The following FRMPD4 variants were observed in gnomAD, a reference collection of about 807,000 sequenced individuals.
The protein encoded by FRMPD4 is FERM and PDZ domain containing 4.
Under a neutral mutation model 94.1 loss-of-function variants are expected in FRMPD4, and 22 were observed. The observed-to-expected ratio is 0.23, with a 90% confidence interval of 0.17 to 0.33. The LOEUF (loss-of-function observed/expected upper bound fraction) is 0.33, where lower values mean the gene tolerates loss of function less well. Ranked by LOEUF, FRMPD4 falls within the 10% of genes least tolerant of loss-of-function variation. The pLI, the probability that FRMPD4 is intolerant of heterozygous loss-of-function variation, is 1.00. For synonymous variants in FRMPD4, 631 were observed against 548.6 expected, an observed-to-expected ratio of 1.15 and a Z score of -2.10; for missense variants, 1,111 against 1,339.9, an observed-to-expected ratio of 0.83 and a Z score of 2.67.
At chrX:12,022,206 G>T (rs1340551181) in intron 3 of FRMPD4, among the ~76,000 whole-genome samples, 1 of 112,216 alleles carries the variant, frequency 8.9e-6, no homozygotes, top group East Asian at 2.8e-4. Context: ...TACATATAAA[G>T]CACTTTAGAA....
intron 3 of FRMPD4, among the ~76,000 whole-genome samples, chrX:12,083,277 G>A (rs2055077050): frequency 8.8e-6 from 1 of 113,200 alleles, no homozygotes; most frequent in African/African-American, 3.2e-5. Flanking sequence ...CTAATGTAGA[G>A]CTTGGGATGT....
rs752588998 is a variant in FRMPD4 at position 12,165,703 on chromosome X, C to G, written c.41+26691C>G. Among the ~76,000 whole-genome samples, 158 of 111,237 alleles carry G rather than the reference C, an allele frequency of 1.4e-3. 1 individual carries two copies. The highest frequency in any genetic ancestry group is 4.9e-3 in the African/African-American group (150 of 30,610). On this transcript the variant is annotated intron_variant, in intron 1 of 16. Coordinates refer to ENST00000675598, the MANE Select transcript of FRMPD4 (RefSeq NM_001368397.1). ...ATGAGCATGGAATGTTCTTCCATTT[C>G]TTTGTATCCTCTTTTATTTCCTTGA...
At chrX:12,553,434 CTATATATATATATA>C (rs3066486) in intron 2 of FRMPD4, among the ~76,000 whole-genome samples, 1,861 of 39,650 alleles carry the variant, frequency 0.047, 74 homozygotes, top group Middle Eastern at 0.095. Flanking sequence ...ATCCATATGC[CTATATATATATATA>C]TATATATATA....
At chrX:12,242,638 CAACA>C (rs761238965) in intron 1 of FRMPD4, among the ~76,000 whole-genome samples, 1 of 112,675 alleles carries the variant, frequency 8.9e-6, no homozygotes, top group South Asian at 3.7e-4. Flanking sequence ...TCCTCTACTG[CAACA>C]AACACACTAC....
chrX:12,673,265 C>T (rs1315573653), intron 4 of FRMPD4, among the ~76,000 whole-genome samples: 3 of 112,154 alleles, frequency 2.7e-5, no homozygotes, highest in Non-Finnish European at 1.9e-5. Context: ...ATCTGATAAA[C>T]GTTTCTTGTT....
chrX:11,977,433 A>G (rs1330410081), intron 3 of FRMPD4, among the ~76,000 whole-genome samples: 3 of 112,487 alleles, frequency 2.7e-5, no homozygotes, highest in Non-Finnish European at 5.6e-5. Context: ...ATCCGTTTTT[A>G]AAAGGGTAGG....
Position 12,401,989 on chromosome X carries a change from G to A in FRMPD4, c.42-96691G>A, listed in dbSNP as rs765373983. Among the ~76,000 whole-genome samples the A allele has an allele frequency of 7.2e-5, 8 of 111,184 alleles. No homozygotes were observed. In the South Asian group the frequency reaches 1.2e-3, roughly 16 times the overall value. ...GATGAGTTTTTTGGGGGATAGTGGG[G>A]TGGAGGCCCTGACCACTCTGAAAGT... is the stretch of plus-strand genomic sequence containing the variant. On this transcript the variant is annotated intron_variant, in intron 1 of 16. Transcript: ENST00000675598.
rs568255426 is a variant in FRMPD4 at position 12,530,820 on chromosome X, T to A, written c.158+32024T>A. Among the ~76,000 whole-genome samples the A allele has an allele frequency of 1.9e-4, 21 of 109,716 alleles. No individual in the cohort carries two copies. The South Asian group carries it at 8.3e-3, about 43-fold the overall frequency. On this transcript the variant is annotated intron_variant, in intron 2 of 16. Transcript: ENST00000675598. ...TAGGACTTGTTTGGTATTCACTGGA[T>A]TGACAGGAGGATGGATGGATGGATG...
rs767119164 is a variant in FRMPD4, at chrX:11,845,095, A to ATATC, written c.-160-19990_-160-19987dup. On this transcript the variant is annotated intron_variant, in intron 1 of 18. Transcript: ENST00000640291. ...AAACTCTTCATTCATTGAGTTATTG[A>ATATC]TATCATACTTTAATTGTTTCAGTAT... is the stretch of plus-strand genomic sequence containing the variant. 7.1e-5 allele frequency among the ~76,000 whole-genome samples: 8 copies of ATATC among 112,235 alleles called. No homozygotes were observed. The East Asian group carries it at 2.2e-3, about 31-fold the overall frequency.
chrX:11,870,199 C>A (rs762159822), intron 2 of FRMPD4, among the ~76,000 whole-genome samples: 2 of 111,831 alleles, frequency 1.8e-5, no homozygotes, highest in Non-Finnish European at 3.8e-5. Flanking sequence ...GATTGCAAAT[C>A]TATGGAAATT....
chrX:12,381,567 C>T (rs747507918), intron 1 of FRMPD4, among the ~76,000 whole-genome samples: 8 of 111,857 alleles, frequency 7.2e-5, no homozygotes, highest in Non-Finnish European at 1.5e-4. Flanking sequence ...TATGATTTCA[C>T]GTACATACAG....
chrX:11,914,567 A>C lies in FRMPD4; in HGVS notation c.95+36549A>C, dbSNP rs919610441. Reference sequence around the variant, plus strand: ...TGCAACTCCTGAACCAAGCAAAACCAACTGGTGTCCTGTTGTATGCGTGTG... The same window carrying C: ...TGCAACTCCTGAACCAAGCAAAACCCACTGGTGTCCTGTTGTATGCGTGTG... On this transcript the variant is annotated intron_variant, in intron 3 of 18. Coordinates refer to the FRMPD4 transcript ENST00000640291. Among the ~76,000 whole-genome samples, 8 of 111,923 alleles carry C rather than the reference A, an allele frequency of 7.1e-5. No individual in the cohort carries two copies. In the East Asian group the frequency reaches 2.0e-3, roughly 27 times the overall value.
At chrX:11,981,695 T>C (rs1301836210) in intron 3 of FRMPD4, among the ~76,000 whole-genome samples, 1 of 111,960 alleles carries the variant, frequency 8.9e-6, no homozygotes. Context: ...GATTATTTCA[T>C]CATTTTATTA....
chrX:12,450,602 T>C (rs569272761), intron 1 of FRMPD4, among the ~76,000 whole-genome samples: 2 of 111,359 alleles, frequency 1.8e-5, no homozygotes, highest in East Asian at 5.6e-4. Flanking sequence ...ATGGCTTCAG[T>C]GAGCTCCAAG....
chrX:12,270,262 T>C (rs1158152672), intron 1 of FRMPD4, among the ~76,000 whole-genome samples: 1 of 31,485 alleles, frequency 3.2e-5, no homozygotes, highest in Non-Finnish European at 5.8e-5. Flanking sequence ...ATTGTCTTTT[T>C]TGAAAAAAAA....
chrX:12,321,721 T>C (rs1046953622), intron 1 of FRMPD4, among the ~76,000 whole-genome samples: 2 of 112,184 alleles, frequency 1.8e-5, no homozygotes, highest in African/African-American at 6.5e-5. Flanking sequence ...TCTGTCCTCA[T>C]GAAGCTTACA....
chrX:12,716,013 C>CCCCACCCACAACA, intron 14 of FRMPD4, 56 bp from the exon 15 acceptor site: 1 of 365,421 alleles, frequency 2.7e-6, no homozygotes. Context: ...CCACCCCCGC[C>CCCCACCCACAACA]CCACCCAAAA....
At chrX:12,691,255 GTTTT>G (rs987837683) in intron 8 of FRMPD4, among the ~76,000 whole-genome samples, 15 of 110,095 alleles carry the variant, frequency 1.4e-4, no homozygotes, top group Non-Finnish European at 2.3e-4. Context: ...GTTTTTTGGG[GTTTT>G]TTTTGTTGTT....
intron 2 of FRMPD4, among the ~76,000 whole-genome samples, chrX:12,574,854 C>T (rs1199126911): frequency 8.9e-6 from 1 of 112,112 alleles, no homozygotes; most frequent in East Asian, 2.8e-4. Flanking sequence ...AATTTCAGGG[C>T]TGGGATTTAT....
Sources: allele counts gnomAD v4.1 joint callset (sites outside exome capture counted in the v4.1 genomes callset), GRCh38; gene constraint gnomAD v4.1.1; transcripts MANE v1.5; gene names NCBI Gene and HGNC (gene_info 2026-07-23, HGNC 2026-07-21).